Variants in AQP1 observed in about 807,000 individuals in gnomAD.
The protein encoded by AQP1 is aquaporin 1 (Colton blood group), also known as aquaporin-1.
AQP1 carries 11 observed loss-of-function variants against 19.7 expected under a neutral mutation model. The observed-to-expected ratio is 0.56, with a 90% CI of 0.35 to 0.92. The LOEUF (loss-of-function observed/expected upper bound fraction) is 0.92. Ranked by LOEUF, AQP1 falls within the 40% of genes least tolerant of loss-of-function variation. The pLI, the probability that AQP1 is intolerant of heterozygous loss-of-function variation, is 0.01. For missense variants in AQP1, 320 were observed against 369.7 expected, an observed-to-expected ratio of 0.87 and a Z score of 1.10; for synonymous variants, 159 against 166.7, an observed-to-expected ratio of 0.95 and a Z score of 0.36.
At position 30,923,519 on chromosome 7, in the gene AQP1, C is replaced by T. The variant is rs749008815; in HGVS notation, c.700C>T (p.Arg234Cys). Residue 234 changes from arginine (R) to cysteine (C), a missense_variant, in exon 4 of 4, where the codon CGC (arginine) becomes TGC (cysteine). Physicochemically the swap from Arg to Cys is radical, Grantham distance 180 (BLOSUM62 -3). Coordinates refer to ENST00000311813, the MANE Select transcript of AQP1 (RefSeq NM_198098.4). This position sits in a 1 kb window ranked among gnomAD's most constrained non-coding sequence, Gnocchi z 4.8. ...CATCTACGACTTCATCCTGGCCCCA[C>T]GCAGCAGTGACCTCACAGACCGCGT... Reference protein sequence around the residue: ...VLIYDFILAPRSSDLTDRVKV... With the variant: ...VLIYDFILAPCSSDLTDRVKV... 1.3e-5 allele frequency: 21 copies of T among 1,614,136 alleles called. No individual in the cohort carries two copies. Among genetic ancestry groups the T allele is most frequent in the Middle Eastern group, 1.7e-4 (1 of 6,058 alleles).
Position 30,923,394 on chromosome 7 carries a change from A to C in AQP1, c.631-56A>C, listed in dbSNP as rs779725060. The C allele has an allele frequency of 4.3e-6, 7 of 1,611,608 alleles. 1 individual carries two copies. The highest frequency in any genetic ancestry group is 5.9e-6 in the Non-Finnish European group (7 of 1,179,198). On this transcript the variant is annotated intron_variant, in intron 3 of 3. Transcript: ENST00000311813. The surrounding 1 kb of genome is among the most constrained non-coding windows in gnomAD (Gnocchi z 4.8). Reference sequence around the variant, plus strand: ...GGTGGGCTGTGGGGTAACCTAGGGAACGCTTCCCAGGGGCTTTTGAGTGGA... The same window carrying C: ...GGTGGGCTGTGGGGTAACCTAGGGACCGCTTCCCAGGGGCTTTTGAGTGGA...
chr7:30,922,704 C>T, intron 3 of AQP1, 60 bp downstream of exon 3: 1 of 1,490,730 alleles, frequency 6.7e-7, no homozygotes, highest in Non-Finnish European at 9.4e-7. Context: ...AGCCTGACCC[C>T]ACCCTCACAG....
rs28362742 is a variant in AQP1, at chr7:30,924,141, G to T, written c.*512G>T. On this transcript the variant is annotated 3_prime_UTR_variant, in exon 4 of 4. Transcript: ENST00000311813. ...AAGCTTTGCTCCTTCAGTTCTGCTT[G>T]CTCCCAAGCCCCTGACCCGCTCGGA... The T allele has an allele frequency of 5.5e-5, 65 of 1,186,288 alleles. No individual in the cohort carries two copies. In the Admixed American group the frequency reaches 2.2e-3, roughly 41 times the overall value. The allele number at this position is 1,186,288 out of a possible 1,614,324, so 73.5% of individuals were successfully genotyped here.
rs945402199 is a variant in AQP1, at chr7:30,911,904, G to A, written c.-6G>A. 6.2e-7 allele frequency: 1 copy of A among 1,613,008 alleles called. No individual in the cohort carries two copies. The highest frequency in any genetic ancestry group is 8.5e-7 in the Non-Finnish European group (1 of 1,180,032). ...GCAGCGGTCTCAGGCCAAGCCCCCT[G>A]CCAGCATGGCCAGCGAGTTCAAGAA... On this transcript the variant is annotated 5_prime_UTR_variant, in exon 1 of 4. Coordinates refer to ENST00000311813, the MANE Select transcript of AQP1 (RefSeq NM_198098.4).
rs1168237221 is a variant in AQP1, at chr7:30,923,785, T to C, written c.*156T>C. The C allele has an allele frequency of 6.6e-7, 1 of 1,509,754 alleles. No homozygotes were observed. Among genetic ancestry groups the C allele is most frequent in the East Asian group, 2.5e-5 (1 of 40,504 alleles). The allele number at this position is 1,509,754 out of a possible 1,614,324, so 93.5% of individuals were successfully genotyped here. A position where few individuals can be genotyped will look rare whatever the true frequency, so the allele number is the denominator to read the frequency against. On this transcript the variant is annotated 3_prime_UTR_variant, in exon 4 of 4. Coordinates refer to ENST00000311813, the MANE Select transcript of AQP1 (RefSeq NM_198098.4). This position sits in a 1 kb window ranked among gnomAD's most constrained non-coding sequence, Gnocchi z 4.8. ...TGCATGGTCAAGCCTCTTATGGGGGTGTTTCTATCTCTTTCTTTCTCTTTC... is the reference window on the plus strand; with the variant it reads ...TGCATGGTCAAGCCTCTTATGGGGGCGTTTCTATCTCTTTCTTTCTCTTTC...
At chr7:30,914,493 G>T (rs561666642) in intron 1 of AQP1, among the ~76,000 whole-genome samples, 1 of 152,366 alleles carries the variant, frequency 6.6e-6, no homozygotes, top group African/African-American at 2.4e-5. Context: ...GGGGGCTCAG[G>T]CGCTGTCCTG....
chr7:30,911,920 A>G lies in AQP1; in HGVS notation c.11A>G (p.Glu4Gly). MASEFKKKLFWRAV... is the reference protein window; with the variant it reads MASGFKKKLFWRAV... ...AAGCCCCCTGCCAGCATGGCCAGCG[A>G]GTTCAAGAAGAAGCTCTTCTGGAGG... Residue 4 changes from glutamate to glycine, a missense_variant, in exon 1 of 4, where the codon GAG becomes GGG. Coordinates refer to ENST00000311813, the MANE Select transcript of AQP1 (RefSeq NM_198098.4). 6.2e-7 allele frequency: 1 copy of G among 1,613,152 alleles called. No homozygotes were observed. The highest frequency in any genetic ancestry group is 1.1e-5 in the South Asian group (1 of 91,078).
rs1288645425 is a variant in AQP1, at chr7:30,912,567, T to C, written c.384+274T>C. 2.0e-5 allele frequency among the ~76,000 whole-genome samples: 3 copies of C among 152,222 alleles called. No individual in the cohort carries two copies. The highest frequency in any genetic ancestry group is 7.2e-5 in the African/African-American group (3 of 41,460). Reference sequence around the variant, plus strand: ...CCTGCAGGGCATCTATTATGGGGAATAAGCTTGGCCAGCAGTTCCTCGCCC... The same window carrying C: ...CCTGCAGGGCATCTATTATGGGGAACAAGCTTGGCCAGCAGTTCCTCGCCC... On this transcript the variant is annotated intron_variant, in intron 1 of 3. Coordinates refer to ENST00000311813, the MANE Select transcript of AQP1 (RefSeq NM_198098.4). The surrounding 1 kb of genome is among the most constrained non-coding windows in gnomAD (Gnocchi z 4.3).
rs909935528 is a variant in AQP1, at chr7:30,922,366, G to T, written c.549+136G>T. Reference sequence around the variant, plus strand: ...TGGAGGATGGCGGGTCAGCGCTGGGGGCTGGGGGCAGGGTCCTGCCCTGGA... The same window carrying T: ...TGGAGGATGGCGGGTCAGCGCTGGGTGCTGGGGGCAGGGTCCTGCCCTGGA... On this transcript the variant is annotated intron_variant, in intron 2 of 3. Transcript: ENST00000311813. 7.1e-6 allele frequency: 10 copies of T among 1,409,432 alleles called. No homozygotes were observed. The Admixed American group carries it at 1.9e-4, about 27-fold the overall frequency. The allele number at this position is 1,409,432 out of a possible 1,614,324, so 87.3% of individuals were successfully genotyped here. A position where few individuals can be genotyped will look rare whatever the true frequency, so the allele number is the denominator to read the frequency against.
intron 1 of AQP1, among the ~76,000 whole-genome samples, chr7:30,918,566 C>T (rs1171876710): frequency 2.0e-5 from 3 of 152,174 alleles, no homozygotes; most frequent in Non-Finnish European, 4.4e-5. Flanking sequence ...GGGCAGGCCT[C>T]GATGTCTCCT....
In AQP1 at chr7:30,924,570, T is replaced by G. The variant is rs2128591668; in HGVS notation, c.*941T>G. The G allele has an allele frequency of 6.6e-6, 1 of 152,630 alleles. No individual in the cohort carries two copies. The highest frequency in any genetic ancestry group is 6.5e-5 in the Admixed American group (1 of 15,328). 9.5% of individuals were successfully genotyped at this position (152,630 alleles called of 1,614,324 possible). A position where few individuals can be genotyped will look rare whatever the true frequency, so the allele number is the denominator to read the frequency against. ...GTTGGTCTTTCCATCTATCACTGCA[T>G]TATCTTGCTCATTCTTCAGTTCTCT... On this transcript the variant is annotated 3_prime_UTR_variant, in exon 4 of 4. Transcript: ENST00000311813.
intron 3 of AQP1, 32 bp downstream of exon 3, chr7:30,922,676 C>A: frequency 6.3e-7 from 1 of 1,589,214 alleles, no homozygotes; most frequent in Non-Finnish European, 8.6e-7. Flanking sequence ...GGGTGGGAAG[C>A]TTTGGTGTCC....
At chr7:30,922,426 C>G in intron 2 of AQP1, 138 bp from the exon 3 acceptor site, 1 of 1,272,578 alleles carries the variant, frequency 7.9e-7, no homozygotes, top group South Asian at 1.2e-5. Flanking sequence ...AGCTTGGGGT[C>G]AGCACTCCTC....
In AQP1 at chr7:30,912,394, GA is replaced by G. The variant is rs1413725460; in HGVS notation, c.384+102del. 3.3e-6 allele frequency: 5 copies of G among 1,509,166 alleles called. No individual in the cohort carries two copies. The Admixed American group carries it at 5.5e-5, about 17-fold the overall frequency. 93.5% of individuals were successfully genotyped at this position (1,509,166 alleles called of 1,614,324 possible). On this transcript the variant is annotated intron_variant, in intron 1 of 3. Transcript: ENST00000311813. The surrounding 1 kb of genome is among the most constrained non-coding windows in gnomAD (Gnocchi z 4.3). ...GTGCAGATGGGGACACTGAGGAACG[GA>G]GAGGACAAGAGGTTGCTGGAGGTCA...
At position 30,919,346 on chromosome 7, in the gene AQP1, G is replaced by C. The variant is rs889305361; in HGVS notation, c.385-2720G>C. ...TAATTCCAGCCAGGGATCTGGGAAGGCTTCTAGGAGCTGGTGGGGTCTGAA... is the reference window on the plus strand; with the variant it reads ...TAATTCCAGCCAGGGATCTGGGAAGCCTTCTAGGAGCTGGTGGGGTCTGAA... On this transcript the variant is annotated intron_variant, in intron 1 of 3. Coordinates refer to ENST00000311813, the MANE Select transcript of AQP1 (RefSeq NM_198098.4). 6.6e-5 allele frequency among the ~76,000 whole-genome samples: 10 copies of C among 152,234 alleles called. No individual in the cohort carries two copies. The South Asian group carries it at 1.2e-3, about 19-fold the overall frequency.
At chr7:30,921,495 G>T (rs965253133) in intron 1 of AQP1, 1 of 1,491,406 alleles carries the variant, frequency 6.7e-7, no homozygotes, top group South Asian at 1.4e-5. Flanking sequence ...AGAGAGAGAG[G>T]GTGGAGACAA....
rs1239376129 is a variant in AQP1, at chr7:30,922,652, A to T, written c.630+8A>T. The T allele has an allele frequency of 1.2e-6, 2 of 1,612,742 alleles. No individual in the cohort carries two copies. The highest frequency in any genetic ancestry group is 1.7e-6 in the Non-Finnish European group (2 of 1,179,208). On this transcript the variant is annotated splice_region_variant and intron_variant, in intron 3 of 3. Transcript: ENST00000311813. ...AACTTCAGCAACCACTGGGTAGGAG[A>T]CCCACGGGGGGTGGGGTGGGAAGCT...
At position 30,912,438 on chromosome 7, in the gene AQP1, A is replaced by T; in HGVS notation, c.384+145A>T. ...GGAGGTCACGTAGAGAGCTGGGGGG[A>T]AGAGCTGGGGCTGGAACTCAGCTAT... is the stretch of plus-strand genomic sequence containing the variant. On this transcript the variant is annotated intron_variant, in intron 1 of 3. Transcript: ENST00000311813. The surrounding 1 kb of genome is among the most constrained non-coding windows in gnomAD (Gnocchi z 4.3). 7.9e-7 allele frequency: 1 copy of T among 1,261,414 alleles called. No homozygotes were observed. The highest frequency in any genetic ancestry group is 1.1e-6 in the Non-Finnish European group (1 of 926,626). 78.1% of individuals were successfully genotyped at this position (1,261,414 alleles called of 1,614,324 possible). A position where few individuals can be genotyped will look rare whatever the true frequency, so the allele number is the denominator to read the frequency against.
chr7:30,918,136 A>C (rs1302776238), intron 1 of AQP1, among the ~76,000 whole-genome samples: 1 of 151,858 alleles, frequency 6.6e-6, no homozygotes, highest in Non-Finnish European at 1.5e-5. Context: ...CTGGGACCAC[A>C]GGCCACCACA....
Sources: allele counts gnomAD v4.1 joint callset (sites outside exome capture counted in the v4.1 genomes callset), GRCh38; gene constraint gnomAD v4.1.1; non-coding constraint Gnocchi (gnomAD v3.1); transcripts MANE v1.5; gene names NCBI Gene and HGNC (gene_info 2026-07-23, HGNC 2026-07-21).